Variants in NRXN3 observed in about 807,000 individuals in gnomAD.
NRXN3 encodes the protein neurexin III.
In NRXN3, 32 loss-of-function variants were observed where a neutral mutation model predicts 137.6. The observed-to-expected ratio is 0.23, with a 90% CI of 0.18 to 0.31. NRXN3 has a LOEUF of 0.31. NRXN3 is among the 10% of genes least tolerant of loss of function. The probability of loss-of-function intolerance (pLI) is 1.00; values close to 1 mark genes in which losing one functional copy is unlikely to be tolerated. For missense variants in NRXN3, 1,574 were observed against 2,062.5 expected, an observed-to-expected ratio of 0.76 and a Z score of 4.59; for synonymous variants, 798 against 784.5, an observed-to-expected ratio of 1.02 and a Z score of -0.29.
At chr14:79,446,394 CT>C (rs761031946) in intron 15 of NRXN3, among the ~76,000 whole-genome samples, 4 of 152,126 alleles carry the variant, frequency 2.6e-5, no homozygotes, top group Non-Finnish European at 5.9e-5. Context: ...CACTTTTTCT[CT>C]TCAAACAGTA....
chr14:78,561,860 A>C (rs1338831467), intron 4 of NRXN3, among the ~76,000 whole-genome samples: 1 of 152,220 alleles, frequency 6.6e-6, no homozygotes, highest in African/African-American at 2.4e-5. Flanking sequence ...CCTTTGACTC[A>C]TTATAAGCCT....
intron 4 of NRXN3, among the ~76,000 whole-genome samples, chr14:78,452,728 C>G (rs970867848): frequency 7.2e-5 from 11 of 152,060 alleles, no homozygotes; most frequent in African/African-American, 1.9e-4. Context: ...GGGTGCCCAC[C>G]CCAGCTTGGC....
rs147587938 is a variant in NRXN3 at position 78,727,801 on chromosome 14, A to G, written c.2044+12662A>G. On this transcript the variant is annotated intron_variant, in intron 8 of 20. Transcript: ENST00000335750. ...TTTACCACCTCGTCTTATTCCTCAA[A>G]ATAGTCCTAGATTGAGTGTGTTAAG... Among the ~76,000 whole-genome samples, 8 of 152,316 alleles carry G rather than the reference A, an allele frequency of 5.3e-5. No homozygotes were observed. The East Asian group carries it at 1.4e-3, about 26-fold the overall frequency.
chr14:79,560,882 G>T (rs958639146), intron 16 of NRXN3, among the ~76,000 whole-genome samples: 2 of 152,072 alleles, frequency 1.3e-5, no homozygotes, highest in African/African-American at 2.4e-5. Flanking sequence ...AGAACTTAAA[G>T]TGTTCCATCT....
intron 15 of NRXN3, among the ~76,000 whole-genome samples, chr14:79,044,453 A>G (rs1000181136): frequency 1.3e-5 from 2 of 152,186 alleles, no homozygotes; most frequent in African/African-American, 4.8e-5. Flanking sequence ...TGTGTAAGAC[A>G]AGGGAGAATA....
rs142125170 is a variant in NRXN3 at position 79,259,414 on chromosome 14, A to C, written c.3263-207807A>C. 2.0e-5 allele frequency among the ~76,000 whole-genome samples: 3 copies of C among 151,914 alleles called. No homozygotes were observed. The East Asian group carries it at 5.8e-4, about 29-fold the overall frequency. Reference sequence around the variant, plus strand: ...CCAATGTAGGGCTTGTTCTGTTGTCAGCATTTGTAGTCAGCATTTCTCTAG... The same window carrying C: ...CCAATGTAGGGCTTGTTCTGTTGTCCGCATTTGTAGTCAGCATTTCTCTAG... On this transcript the variant is annotated intron_variant, in intron 15 of 20. Transcript: ENST00000335750.
rs528751313 is a variant in NRXN3, at chr14:79,514,552, C to T, written c.3444+47150C>T. On this transcript the variant is annotated intron_variant, in intron 16 of 20. Transcript: ENST00000335750. Reference sequence around the variant, plus strand: ...TTCTTCATGGTAGTAACCCTTAACCCTAAACTTTTCTTGTGTAGAGATGGG... The same window carrying T: ...TTCTTCATGGTAGTAACCCTTAACCTTAAACTTTTCTTGTGTAGAGATGGG... Among the ~76,000 whole-genome samples the T allele has an allele frequency of 5.0e-3, 764 of 152,228 alleles. 3 individuals carry two copies. The highest frequency in any genetic ancestry group is 0.018 in the African/African-American group (727 of 41,524).
At chr14:78,384,964 A>G (rs2089725154) in intron 4 of NRXN3, among the ~76,000 whole-genome samples, 1 of 151,914 alleles carries the variant, frequency 6.6e-6, no homozygotes, top group African/African-American at 2.4e-5. Context: ...CTTTCACCTT[A>G]AAAAAAATGA....
chr14:78,368,723 A>C (rs541839733), intron 4 of NRXN3, among the ~76,000 whole-genome samples: 85 of 152,292 alleles, frequency 5.6e-4, no homozygotes, highest in Admixed American at 1.5e-3. Flanking sequence ...AAAACTGGAG[A>C]TGTAAAAATT....
chr14:79,551,143 A>G (rs1183105650), intron 16 of NRXN3, among the ~76,000 whole-genome samples: 1 of 152,182 alleles, frequency 6.6e-6, no homozygotes, highest in Admixed American at 6.6e-5. Context: ...TGTTAAGAGA[A>G]GTTTCCTTTA....
At chr14:78,628,255 T>C (rs1566926599) in intron 4 of NRXN3, among the ~76,000 whole-genome samples, 1 of 152,070 alleles carries the variant, frequency 6.6e-6, no homozygotes, top group African/African-American at 2.4e-5. Context: ...TTATTTTTTG[T>C]AGAGATAGGG....
intron 19 of NRXN3, among the ~76,000 whole-genome samples, chr14:79,780,444 C>CA (rs11463667): frequency 0.46 from 66,920 of 146,438 alleles, 15,892 homozygotes; most frequent in Middle Eastern, 0.63. Context: ...ACTAAAAATA[C>CA]AAAAAAAAAA....
At chr14:78,272,590 ATTTTACCCC>A (rs911599789) in intron 2 of NRXN3, among the ~76,000 whole-genome samples, 1 of 152,172 alleles carries the variant, frequency 6.6e-6, no homozygotes, top group Non-Finnish European at 1.5e-5. Context: ...GCATTACTGC[ATTTTACCCC>A]TTTCCTCTGT....
intron 16 of NRXN3, among the ~76,000 whole-genome samples, chr14:79,516,288 A>C (rs994131876): frequency 6.6e-6 from 1 of 152,214 alleles, no homozygotes; most frequent in African/African-American, 2.4e-5. Context: ...GAAGGCCCCC[A>C]GCTTGCAGCA....
At chr14:79,387,746 C>T (rs1368950513) in intron 15 of NRXN3, among the ~76,000 whole-genome samples, 1 of 151,846 alleles carries the variant, frequency 6.6e-6, no homozygotes, top group Non-Finnish European at 1.5e-5. Flanking sequence ...AAATGTGGCA[C>T]ATATACACCA....
chr14:79,026,967 TATATATATATATATA>T (rs1478736000), intron 15 of NRXN3, among the ~76,000 whole-genome samples: 13 of 330 alleles, frequency 0.039, no homozygotes, highest in Admixed American at 0.12. Flanking sequence ...TATATATATA[TATATATATATATATA>T]TATATATATA....
chr14:78,514,460 G>A (rs1434834838), intron 4 of NRXN3, among the ~76,000 whole-genome samples: 1 of 152,068 alleles, frequency 6.6e-6, no homozygotes, highest in East Asian at 1.9e-4. Flanking sequence ...GTACATGAAG[G>A]TAGACCCTTT....
At chr14:79,463,927 G>A (rs17109240) in intron 15 of NRXN3, among the ~76,000 whole-genome samples, 7,524 of 152,156 alleles carry the variant, frequency 0.049, 460 homozygotes, top group African/African-American at 0.14. Context: ...ACATTTTAAA[G>A]TAACACAATT....
At chr14:78,779,276 C>T (rs2098759918) in intron 8 of NRXN3, among the ~76,000 whole-genome samples, 1 of 151,632 alleles carries the variant, frequency 6.6e-6, no homozygotes. Context: ...GGAACAGAAG[C>T]AAAATCATTT....
Sources: allele counts gnomAD v4.1 joint callset (sites outside exome capture counted in the v4.1 genomes callset), GRCh38; gene constraint gnomAD v4.1.1; transcripts MANE v1.5; gene names NCBI Gene and HGNC (gene_info 2026-07-23, HGNC 2026-07-21).